The following SLC11A2 variants were observed in gnomAD, a reference collection of about 807,000 sequenced individuals.
The protein encoded by SLC11A2 is solute carrier family 11 member 2.
Under a neutral mutation model 68.0 loss-of-function variants are expected in SLC11A2, and 38 were observed. The ratio of observed to expected loss-of-function variants is 0.56; its 90% CI spans 0.43 to 0.73. The LOEUF (loss-of-function observed/expected upper bound fraction) is 0.73, where lower values mean the gene tolerates loss of function less well. Among genes scored for constraint, SLC11A2 ranks in the 30% least tolerant of loss-of-function variants. The probability of loss-of-function intolerance (pLI) is 0.00; values close to 1 mark genes in which losing one functional copy is unlikely to be tolerated. For synonymous variants in SLC11A2, 242 were observed against 250.6 expected (o/e 0.97, Z 0.32); for missense variants, 517 against 690.5 (o/e 0.75, Z 2.82).
intron 6 of SLC11A2, 47 bp downstream of exon 6, chr12:51,000,266 G>T: frequency 7.4e-7 from 1 of 1,358,484 alleles, no homozygotes; most frequent in Non-Finnish European, 1.1e-6. Context: ...ATCTCTGCTT[G>T]GAAATCCAGC....
chr12:51,008,346 T>C (rs889344913), intron 3 of SLC11A2, 130 bp downstream of exon 3: 7 of 705,600 alleles, frequency 9.9e-6, no homozygotes, highest in East Asian at 2.7e-5. Flanking sequence ...TATAGATATA[T>C]AGATATAGTC....
chr12:50,997,511 G>C (rs1941811976), intron 8 of SLC11A2, among the ~76,000 whole-genome samples: 1 of 151,854 alleles, frequency 6.6e-6, no homozygotes, highest in Admixed American at 6.6e-5. Flanking sequence ...AGAGCAGCCT[G>C]ACAACACAAC....
the SLC11A2 span, chr12:50,961,058 T>C: frequency 6.2e-7 from 1 of 1,613,388 alleles, no homozygotes; most frequent in Non-Finnish European, 8.5e-7. Context: ...CTTATTCACA[T>C]GAGAGTTGCT....
At chr12:50,985,939 G>A, downstream of SLC11A2, 2 of 1,135,772 alleles carry the variant, frequency 1.8e-6, no homozygotes, top group African/African-American at 1.6e-5. Context: ...CAAAGTTGTT[G>A]TAACCCTATT....
chr12:51,018,088 C>T (rs942498144), intron 1 of SLC11A2, among the ~76,000 whole-genome samples: 1 of 152,146 alleles, frequency 6.6e-6, no homozygotes, highest in Non-Finnish European at 1.5e-5. Context: ...TTGGATAGCC[C>T]AAACCTGTTT....
chr12:50,957,321 G>A, the SLC11A2 span, among the ~76,000 whole-genome samples: 9 of 151,058 alleles, frequency 6.0e-5, no homozygotes, highest in Non-Finnish European at 7.4e-5. Flanking sequence ...AGCGATTCTC[G>A]TGCTTCAGCT....
intron 5 of SLC11A2, among the ~76,000 whole-genome samples, chr12:51,002,352 A>G (rs947307343): frequency 1.3e-5 from 2 of 152,066 alleles, no homozygotes; most frequent in African/African-American, 4.8e-5. Context: ...TATCTCAAAA[A>G]AACAGGCCAG....
At chr12:51,023,623 C>T (rs1388124020) in intron 1 of SLC11A2, among the ~76,000 whole-genome samples, 1 of 152,162 alleles carries the variant, frequency 6.6e-6, no homozygotes, top group Non-Finnish European at 1.5e-5. Context: ...GCAGACTTCC[C>T]TTTCTGCCTC....
Position 50,986,497 on chromosome 12 carries a change from T to C in SLC11A2, c.*1828A>G. 6.2e-6 allele frequency: 8 copies of C among 1,285,944 alleles called. No individual in the cohort carries two copies. Among genetic ancestry groups the C allele is most frequent in the Non-Finnish European group, 8.1e-6 (8 of 987,602 alleles). 79.7% of individuals were successfully genotyped at this position (1,285,944 alleles called of 1,614,324 possible). ...AGCTTTTACCTAGGCTCCTAAATGC[T>C]TGTAAATCTGAGACTGACTGGACCC... On this transcript the variant is annotated 3_prime_UTR_variant, in exon 16 of 16. Coordinates refer to ENST00000262052, the MANE Select transcript of SLC11A2 (RefSeq NM_000617.3).
intron 1 of SLC11A2, among the ~76,000 whole-genome samples, chr12:51,020,314 C>T (rs1346947270): frequency 1.3e-5 from 2 of 151,172 alleles, no homozygotes; most frequent in African/African-American, 2.4e-5. Context: ...ATTTTTTACA[C>T]TGGAGTAAGT....
chr12:50,965,017 C>T, the SLC11A2 span, among the ~76,000 whole-genome samples: 2 of 152,220 alleles, frequency 1.3e-5, no homozygotes, highest in Non-Finnish European at 2.9e-5. Context: ...CCCATTGCAT[C>T]TAGCCACTCT....
the SLC11A2 span, chr12:50,970,531 GACAAGAA>G: frequency 7.1e-7 from 1 of 1,410,430 alleles, no homozygotes; most frequent in Non-Finnish European, 9.7e-7. Context: ...AAGCAAGAAA[GACAAGAA>G]GCTTCTGAAA....
intron 14 of SLC11A2, 79 bp from the exon 15 acceptor site, chr12:50,991,027 A>T: frequency 1.6e-6 from 2 of 1,272,762 alleles, no homozygotes; most frequent in Non-Finnish European, 2.3e-6. Context: ...GATGGGAATT[A>T]GAGGCAGTTC....
intron 1 of SLC11A2, among the ~76,000 whole-genome samples, chr12:51,016,598 C>G (rs1943669135): frequency 6.6e-6 from 1 of 151,526 alleles, no homozygotes; most frequent in Admixed American, 6.6e-5. Context: ...AGGAGATTCA[C>G]TGGAACCTGA....
chr12:50,959,438 G>C, the SLC11A2 span, among the ~76,000 whole-genome samples: 3 of 151,998 alleles, frequency 2.0e-5, no homozygotes, highest in African/African-American at 7.2e-5. Flanking sequence ...TCTTATAGAT[G>C]TTATAAATAC....
At chr12:50,989,781 A>G (rs1047372153) in intron 15 of SLC11A2, among the ~76,000 whole-genome samples, 1 of 152,220 alleles carries the variant, frequency 6.6e-6, no homozygotes, top group African/African-American at 2.4e-5. Flanking sequence ...TGATTTTCTT[A>G]ATAAAGTATC....
intron 1 of SLC11A2, among the ~76,000 whole-genome samples, chr12:51,023,004 T>C (rs1944147509): frequency 6.6e-6 from 1 of 152,256 alleles, no homozygotes; most frequent in South Asian, 2.1e-4. Context: ...TTATATTCCA[T>C]TATGATTTCA....
intron 10 of SLC11A2, chr12:50,995,059 C>T (rs1421837815): frequency 4.0e-6 from 1 of 251,018 alleles, no homozygotes; most frequent in Admixed American, 5.2e-5. Flanking sequence ...GCCTGTAATC[C>T]CTGTACTTTG....
chr12:50,975,736 G>T (rs147249387), downstream of SLC11A2, among the ~76,000 whole-genome samples: 761 of 152,216 alleles, frequency 5.0e-3, 7 homozygotes, highest in African/African-American at 0.017. Flanking sequence ...AAAATTGATA[G>T]ACCGCTAGCA....
Sources: allele counts gnomAD v4.1 joint callset (sites outside exome capture counted in the v4.1 genomes callset), GRCh38; gene constraint gnomAD v4.1.1; transcripts MANE v1.5; gene names NCBI Gene and HGNC (gene_info 2026-07-23, HGNC 2026-07-21).